Variants in SCHIP1 observed in about 807,000 individuals in gnomAD.
SCHIP1 encodes schwannomin interacting protein 1.
A neutral mutation model predicts 29.7 loss-of-function variants in SCHIP1; 8 were observed. That is an observed-to-expected ratio of 0.27 (90% CI 0.16 to 0.49). The LOEUF (loss-of-function observed/expected upper bound fraction) is 0.49. SCHIP1 is among the 20% of genes least tolerant of loss of function. The pLI, the probability that SCHIP1 is intolerant of heterozygous loss-of-function variation, is 0.99. For missense variants in SCHIP1, 193 were observed against 294.6 expected (o/e 0.66, Z 2.52); for synonymous variants, 76 against 94.9 (o/e 0.80, Z 1.16).
the SCHIP1 span, among the ~76,000 whole-genome samples, chr3:159,402,343 C>T: frequency 6.6e-6 from 1 of 152,142 alleles, no homozygotes; most frequent in African/African-American, 2.4e-5. Context: ...GGACTGTAAA[C>T]TAGTTCAAGC....
At chr3:159,765,186 C>A in the SCHIP1 span, 1 of 1,498,238 alleles carries the variant, frequency 6.7e-7, no homozygotes, top group Non-Finnish European at 8.9e-7. Context: ...CGCGTACACA[C>A]CCCGCGCACA....
At chr3:159,892,941 A>G (rs1265893904) in intron 6 of SCHIP1, 1 of 152,276 alleles carries the variant, frequency 6.6e-6, no homozygotes, top group East Asian at 1.9e-4. Flanking sequence ...ACCAACAGAC[A>G]GTAATTGCTA....
At chr3:159,349,650 T>C in the SCHIP1 span, among the ~76,000 whole-genome samples, 1 of 152,154 alleles carries the variant, frequency 6.6e-6, no homozygotes, top group Non-Finnish European at 1.5e-5. Context: ...CTTTACTAAA[T>C]AGCTTCTATC....
chr3:159,424,861 G>C, the SCHIP1 span, among the ~76,000 whole-genome samples: 2 of 151,992 alleles, frequency 1.3e-5, no homozygotes, highest in African/African-American at 4.8e-5. Context: ...AACTCTAAAA[G>C]CCAGAAGAGA....
At chr3:159,839,931 C>T in exon 1 of SCHIP1, 1 of 1,408,314 alleles carries the variant, frequency 7.1e-7, no homozygotes, top group Non-Finnish European at 9.2e-7. Context: ...AGCCCGGTCC[C>T]AGCTCCATGT....
the SCHIP1 span, among the ~76,000 whole-genome samples, chr3:159,369,446 A>C: frequency 6.6e-6 from 1 of 152,250 alleles, no homozygotes. Flanking sequence ...GAATAGAGAT[A>C]GTTTTTCAGA....
At chr3:159,878,136 A>T (rs1239459276) in intron 2 of SCHIP1, among the ~76,000 whole-genome samples, 1 of 152,176 alleles carries the variant, frequency 6.6e-6, no homozygotes, top group East Asian at 1.9e-4. Flanking sequence ...TCTCCAACAC[A>T]CAAATGCTAA....
chr3:159,413,331 C>T, the SCHIP1 span, among the ~76,000 whole-genome samples: 6 of 152,134 alleles, frequency 3.9e-5, no homozygotes, highest in Non-Finnish European at 5.9e-5. Context: ...TCCTCAATGG[C>T]GGTTATGCAG....
the SCHIP1 span, among the ~76,000 whole-genome samples, chr3:159,560,182 T>C: frequency 6.6e-6 from 1 of 152,206 alleles, no homozygotes; most frequent in Non-Finnish European, 1.5e-5. Context: ...CAATTATTCT[T>C]CCTTATCAAT....
At chr3:159,618,173 G>T in the SCHIP1 span, among the ~76,000 whole-genome samples, 2 of 152,202 alleles carry the variant, frequency 1.3e-5, no homozygotes, top group Non-Finnish European at 2.9e-5. Flanking sequence ...GAGTGGTTAA[G>T]TGACTTGACC....
chr3:159,440,875 T>C, the SCHIP1 span, among the ~76,000 whole-genome samples: 1 of 152,202 alleles, frequency 6.6e-6, no homozygotes, highest in African/African-American at 2.4e-5. Context: ...TAACTAAAAC[T>C]CACTCTGATG....
At chr3:159,669,393 T>A in the SCHIP1 span, among the ~76,000 whole-genome samples, 2 of 152,246 alleles carry the variant, frequency 1.3e-5, no homozygotes, top group Non-Finnish European at 2.9e-5. Flanking sequence ...TGAGGCAGTC[T>A]ACTATTCACG....
the SCHIP1 span, among the ~76,000 whole-genome samples, chr3:159,508,592 C>T: frequency 4.6e-5 from 7 of 152,166 alleles, no homozygotes; most frequent in African/African-American, 1.7e-4. Flanking sequence ...CTTGCTTTCT[C>T]TTGTGGGCAC....
At chr3:159,708,666 G>C in the SCHIP1 span, among the ~76,000 whole-genome samples, 1 of 152,176 alleles carries the variant, frequency 6.6e-6, no homozygotes, top group Non-Finnish European at 1.5e-5. Flanking sequence ...CACATTTACA[G>C]AGGTATGGGC....
At chr3:159,491,557 A>G in the SCHIP1 span, among the ~76,000 whole-genome samples, 1 of 152,110 alleles carries the variant, frequency 6.6e-6, no homozygotes, top group African/African-American at 2.4e-5. Flanking sequence ...AGGCTGGGGG[A>G]GGGGCGCCCA....
chr3:159,578,876 T>C, the SCHIP1 span, among the ~76,000 whole-genome samples: 1 of 152,138 alleles, frequency 6.6e-6, no homozygotes, highest in African/African-American at 2.4e-5. Flanking sequence ...AATCTCCCCA[T>C]CTCAAGATCC....
the SCHIP1 span, among the ~76,000 whole-genome samples, chr3:159,603,947 A>G: frequency 6.6e-6 from 1 of 152,142 alleles, no homozygotes; most frequent in South Asian, 2.1e-4. Flanking sequence ...CACTCTTGCC[A>G]TCACTAACCC....
At chr3:159,497,770 G>A in the SCHIP1 span, among the ~76,000 whole-genome samples, 4 of 152,042 alleles carry the variant, frequency 2.6e-5, no homozygotes, top group African/African-American at 9.7e-5. Flanking sequence ...TTAAAATTGA[G>A]TACTGCAGAA....
chr3:159,437,477 A>G, the SCHIP1 span, among the ~76,000 whole-genome samples: 7,910 of 152,078 alleles, frequency 0.052, 670 homozygotes, highest in African/African-American at 0.18. Flanking sequence ...TATTTATTTC[A>G]TTCTTGACTC....
Sources: allele counts gnomAD v4.1 joint callset (sites outside exome capture counted in the v4.1 genomes callset), GRCh38; gene constraint gnomAD v4.1.1; transcripts MANE v1.5; gene names NCBI Gene and HGNC (gene_info 2026-07-23, HGNC 2026-07-21).